Variants in MAP4K5 observed in about 807,000 individuals in gnomAD.
MAP4K5 encodes the protein MAPK/ERK kinase kinase kinase 5.
MAP4K5 carries 82 observed loss-of-function variants against 135.6 expected under a neutral mutation model. The ratio of observed to expected loss-of-function variants is 0.60; its 90% CI spans 0.51 to 0.73. The LOEUF is 0.73. MAP4K5 is among the 30% of genes least tolerant of loss of function. MAP4K5 has a pLI of 0.00. For missense variants in MAP4K5, 907 were observed against 1,010.9 expected (o/e 0.90, Z 1.39); for synonymous variants, 347 against 335.0 (o/e 1.04, Z -0.39).
At chr14:50,431,614 G>C (rs1566635364) in intron 28 of MAP4K5, among the ~76,000 whole-genome samples, 1 of 151,914 alleles carries the variant, frequency 6.6e-6, no homozygotes, top group Non-Finnish European at 1.5e-5. Flanking sequence ...AGTATTCCAT[G>C]GTGTATATGT....
At chr14:50,470,492 T>C (rs2036932749) in intron 9 of MAP4K5, among the ~76,000 whole-genome samples, 3 of 152,138 alleles carry the variant, frequency 2.0e-5, no homozygotes, top group Admixed American at 2.0e-4. Context: ...ATATCTTCAT[T>C]TAACTTTTAT....
At chr14:50,526,166 C>T (rs2038259401) in intron 2 of MAP4K5, among the ~76,000 whole-genome samples, 1 of 152,202 alleles carries the variant, frequency 6.6e-6, no homozygotes, top group Admixed American at 6.5e-5. Flanking sequence ...GTTCCTTCCT[C>T]TGTTAATCTT....
chr14:50,454,399 C>T (rs2036555924), intron 14 of MAP4K5, among the ~76,000 whole-genome samples: 1 of 152,052 alleles, frequency 6.6e-6, no homozygotes, highest in African/African-American at 2.4e-5. Context: ...TAAAAATTTA[C>T]CCTGGAGTAT....
intron 14 of MAP4K5, among the ~76,000 whole-genome samples, chr14:50,454,090 T>G (rs1243669850): frequency 1.3e-5 from 2 of 152,158 alleles, no homozygotes; most frequent in African/African-American, 4.8e-5. Flanking sequence ...AATACTACAG[T>G]GTAGTGAAAA....
intron 3 of MAP4K5, among the ~76,000 whole-genome samples, chr14:50,497,335 G>C (rs985034154): frequency 6.6e-6 from 1 of 152,228 alleles, no homozygotes; most frequent in South Asian, 2.1e-4. Flanking sequence ...GACATTTGGG[G>C]CATGTATTTG....
At chr14:50,426,624 T>C (rs1276988261) in intron 30 of MAP4K5, among the ~76,000 whole-genome samples, 1 of 152,134 alleles carries the variant, frequency 6.6e-6, no homozygotes, top group East Asian at 1.9e-4. Flanking sequence ...CTCAGGACGC[T>C]GAAACGGGAG....
At position 50,485,626 on chromosome 14, in the gene MAP4K5, T is replaced by A; in HGVS notation, c.274A>T (p.Ile92Phe). Residue 92 changes from isoleucine (I) to phenylalanine (F), a missense_variant, in exon 5 of 33, where the codon ATT (isoleucine) becomes TTT (phenylalanine). Around this residue, in one of 3 missense-constraint regions of MAP4K5, gnomAD observed 196 missense variants for 189.3 expected, o/e 1.04. Coordinates refer to ENST00000682126, the MANE Select transcript of MAP4K5 (RefSeq NM_006575.6). ...CCGCCACCACAGTATTCCATACAAA[T>A]CCATAGTTTTTCCCGACTAATACAA... is the stretch of plus-strand genomic sequence containing the variant. ...GSYLSREKLW[I>F]CMEYCGGGSL... 2.6e-6 allele frequency: 4 copies of A among 1,547,046 alleles called. No homozygotes were observed. The highest frequency in any genetic ancestry group is 3.5e-6 in the Non-Finnish European group (4 of 1,142,348).
In MAP4K5 at chr14:50,445,135, T is replaced by C. The variant is rs756186477; in HGVS notation, c.1245A>G (p.Ile415Met). The part of the protein sequence containing the change: ...NFPDEEKAST[I>M]KHCPDSESRA... Reference sequence around the variant, plus strand: ...TGCTTTCTGAATCAGGACAATGTTTTATGGTTGATGCTTTTTCTTCATCCG... The same window carrying C: ...TGCTTTCTGAATCAGGACAATGTTTCATGGTTGATGCTTTTTCTTCATCCG... The change falls in exon 18 of 33, where the codon ATA becomes ATG. Residue 415 changes from isoleucine (I) to methionine (M), a missense_variant. Ile to Met is a conservative substitution (Grantham distance 10, BLOSUM62 1). Transcript: ENST00000682126. 9.9e-6 allele frequency: 16 copies of C among 1,613,636 alleles called. No individual in the cohort carries two copies. In the Admixed American group the frequency reaches 2.7e-4, roughly 27 times the overall value.
chr14:50,539,047 C>T (rs1339301173), intron 2 of MAP4K5, among the ~76,000 whole-genome samples: 5 of 152,066 alleles, frequency 3.3e-5, no homozygotes, highest in South Asian at 2.1e-4. Context: ...CCCAGAAACC[C>T]GATTGATAAA....
chr14:50,460,759 T>C (rs1381527092), intron 13 of MAP4K5, among the ~76,000 whole-genome samples: 1 of 152,222 alleles, frequency 6.6e-6, no homozygotes, highest in Non-Finnish European at 1.5e-5. Context: ...GATTGTTCAA[T>C]GACTATTTCT....
chr14:50,534,561 G>A (rs1595560980), upstream of MAP4K5, among the ~76,000 whole-genome samples: 1 of 152,342 alleles, frequency 6.6e-6, no homozygotes, highest in East Asian at 1.9e-4. Flanking sequence ...AATGTTTGAG[G>A]TCATAGGCTT....
intron 2 of MAP4K5, 90 bp from the exon 3 acceptor site, chr14:50,504,947 C>A (rs376373174): frequency 3.2e-5 from 23 of 719,152 alleles, no homozygotes; most frequent in East Asian, 2.2e-4. Context: ...TGCTTATCAA[C>A]CATACTTTTA....
intron 2 of MAP4K5, among the ~76,000 whole-genome samples, chr14:50,519,540 G>T (rs142250341): frequency 6.6e-6 from 1 of 152,064 alleles, no homozygotes; most frequent in East Asian, 1.9e-4. Flanking sequence ...TGTAGTCCCA[G>T]CTACTCGGGA....
chr14:50,540,656 AG>A (rs1160952076), intron 2 of MAP4K5, among the ~76,000 whole-genome samples: 8 of 152,190 alleles, frequency 5.3e-5, no homozygotes, highest in South Asian at 2.1e-4. Context: ...ATTAAAGTAG[AG>A]ATTTAAGAAA....
intron 3 of MAP4K5, among the ~76,000 whole-genome samples, chr14:50,503,812 AT>A (rs1355406532): frequency 2.6e-5 from 4 of 152,076 alleles, no homozygotes; most frequent in African/African-American, 9.7e-5. Context: ...CATAACTTGA[AT>A]AACCATCCTT....
chr14:50,464,015 G>T, intron 12 of MAP4K5, 37 bp downstream of exon 12: 1 of 1,117,902 alleles, frequency 8.9e-7, no homozygotes, highest in Non-Finnish European at 1.3e-6. Context: ...TCTAATTTAT[G>T]ACTATAGGAA....
At position 50,468,843 on chromosome 14, in the gene MAP4K5, T is replaced by C; in HGVS notation, c.543-61A>G. The C allele has an allele frequency of 2.7e-6, 4 of 1,483,322 alleles. No homozygotes were observed. The South Asian group carries it at 4.9e-5, about 18-fold the overall frequency. 91.9% of individuals were successfully genotyped at this position (1,483,322 alleles called of 1,614,324 possible). On this transcript the variant is annotated intron_variant, in intron 9 of 32. Coordinates refer to ENST00000682126, the MANE Select transcript of MAP4K5 (RefSeq NM_006575.6). Reference sequence around the variant, plus strand: ...TAAATATTGATCTGAATCTGTTACTTCCTGTTATAATCACCAGACTTGTTG... The same window carrying C: ...TAAATATTGATCTGAATCTGTTACTCCCTGTTATAATCACCAGACTTGTTG...
At position 50,482,383 on chromosome 14, in the gene MAP4K5, T is replaced by C. The variant is rs759514759; in HGVS notation, c.356A>G (p.Tyr119Cys). 3.9e-6 allele frequency: 6 copies of C among 1,534,078 alleles called. No homozygotes were observed. The highest frequency in any genetic ancestry group is 3.5e-6 in the Non-Finnish European group (4 of 1,142,154). ...TGPLSELQIAYVCRETLQGLA... is the reference protein window; with the variant it reads ...TGPLSELQIACVCRETLQGLA... ...TACCTGTAAGGTTTCTCTGCATACA[T>C]AGGCTATTTGCAATTCTGATAATGG... Residue 119 changes from tyrosine to cysteine, a missense_variant, in exon 6 of 33, where the codon TAT becomes TGT. Tyr to Cys is a radical substitution (Grantham distance 194). Transcript: ENST00000682126.
chr14:50,507,329 G>A (rs896913202), intron 2 of MAP4K5, among the ~76,000 whole-genome samples: 2 of 152,092 alleles, frequency 1.3e-5, no homozygotes, highest in Non-Finnish European at 2.9e-5. Flanking sequence ...TTTTTTGAAG[G>A]GTTTTTTGTG....
Sources: allele counts gnomAD v4.1 joint callset (sites outside exome capture counted in the v4.1 genomes callset), GRCh38; gene constraint gnomAD v4.1.1; regional missense constraint gnomAD v4.1.1; transcripts MANE v1.5; gene names NCBI Gene and HGNC (gene_info 2026-07-23, HGNC 2026-07-21).